FAM204A: variants seen among roughly 807,000 people sequenced by gnomAD.
FAM204A encodes the protein family with sequence similarity 204 member A, also known as protein FAM204A.
In FAM204A, 16 loss-of-function variants were observed where a neutral mutation model predicts 35.4. The ratio of observed to expected loss-of-function variants is 0.45; its 90% CI spans 0.31 to 0.69. FAM204A has a LOEUF of 0.69. Among genes scored for constraint, FAM204A ranks in the 30% least tolerant of loss-of-function variants. The pLI, the probability that FAM204A is intolerant of heterozygous loss-of-function variation, is 0.07. For synonymous variants in FAM204A, 76 were observed against 86.9 expected (o/e 0.88, Z 0.70); for missense variants, 240 against 265.7 (o/e 0.90, Z 0.67).
In FAM204A at chr10:118,310,721, G is replaced by A; in HGVS notation, c.*136C>T. On this transcript the variant is annotated 3_prime_UTR_variant, in exon 9 of 9. Transcript: ENST00000369183. ...CCTTAAAGAAAGACTGAAAAGAGCT[G>A]ATAATCAAAATCCCAAATTTTATGC... 1.4e-6 allele frequency: 1 copy of A among 713,322 alleles called. No individual in the cohort carries two copies. The highest frequency in any genetic ancestry group is 2.4e-6 in the Non-Finnish European group (1 of 415,926). The allele number at this position is 713,322 out of a possible 1,614,324, so 44.2% of individuals were successfully genotyped here. A position where few individuals can be genotyped will look rare whatever the true frequency, so the allele number is the denominator to read the frequency against.
At chr10:118,332,194 A>C (rs1846302652) in intron 6 of FAM204A, among the ~76,000 whole-genome samples, 2 of 149,662 alleles carry the variant, frequency 1.3e-5, no homozygotes, top group Non-Finnish European at 1.5e-5. Context: ...AAAAAATCAT[A>C]TGAGTCAGGT....
Position 118,299,391 on chromosome 10 carries a change from G to GTTGTTT in FAM204A, c.*11465_*11466insAAACAA, listed in dbSNP as rs1845783088. On this transcript the variant is annotated 3_prime_UTR_variant, in exon 9 of 9. Coordinates refer to ENST00000369183, the MANE Select transcript of FAM204A (RefSeq NM_022063.3). ...ACCTCCTCCTTTCTGCTTCCAGAAGGTTTTTTTTTTTTTTTTTTTTTTGAG... is the reference window on the plus strand; with the variant it reads ...ACCTCCTCCTTTCTGCTTCCAGAAGGTTGTTTTTTTTTTTTTTTTTTTTTTTTTGAG... The GTTGTTT allele has an allele frequency of 1.1e-5, 1 of 90,294 alleles. No homozygotes were observed. Among genetic ancestry groups the GTTGTTT allele is most frequent in the Non-Finnish European group, 2.0e-5 (1 of 49,642 alleles). 5.6% of individuals were successfully genotyped at this position (90,294 alleles called of 1,614,324 possible).
intron 3 of FAM204A, chr10:118,335,974 T>C (rs1305568159): frequency 1.7e-5 from 10 of 583,840 alleles, no homozygotes; most frequent in East Asian, 3.0e-5. Flanking sequence ...TTTTTTTTTT[T>C]TCCCCCTCCG....
chr10:118,342,265 C>G lies in FAM204A; in HGVS notation c.-210+5G>C, dbSNP rs919780465. 15 of 152,394 alleles carry G rather than the reference C, an allele frequency of 9.8e-5. No individual in the cohort carries two copies. The highest frequency in any genetic ancestry group is 3.6e-4 in the African/African-American group (15 of 41,464). 9.4% of individuals were successfully genotyped at this position (152,394 alleles called of 1,614,324 possible). ...GGTAACCAACCCTCCATAAGCCGTA[C>G]TCACCTGTCAGGAAGTGGTCGCCCA... is the stretch of plus-strand genomic sequence containing the variant. On this transcript the variant is annotated splice_donor_5th_base_variant and intron_variant, in intron 1 of 8. Coordinates refer to ENST00000369183, the MANE Select transcript of FAM204A (RefSeq NM_022063.3).
intron 6 of FAM204A, among the ~76,000 whole-genome samples, chr10:118,334,166 A>C (rs1362790293): frequency 6.6e-6 from 1 of 152,186 alleles, no homozygotes; most frequent in East Asian, 1.9e-4. Flanking sequence ...TCATTATACT[A>C]ACCAACAACT....
chr10:118,316,636 C>T (rs1477516823), intron 7 of FAM204A, among the ~76,000 whole-genome samples: 1 of 152,096 alleles, frequency 6.6e-6, no homozygotes, highest in African/African-American at 2.4e-5. Context: ...CCTACAACTC[C>T]TATCACTTTA....
rs767761384 is a variant in FAM204A, at chr10:118,305,307, T to C, written c.*5550A>G. On this transcript the variant is annotated 3_prime_UTR_variant, in exon 9 of 9. Coordinates refer to ENST00000369183, the MANE Select transcript of FAM204A (RefSeq NM_022063.3). ...GCATTACCCTAACATGGGAAGGTAC[T>C]GTGGCCCACCCAAGCTAAAATAAAG... is the stretch of plus-strand genomic sequence containing the variant. The C allele has an allele frequency of 1.3e-5, 2 of 152,242 alleles. No homozygotes were observed. The highest frequency in any genetic ancestry group is 2.9e-5 in the Non-Finnish European group (2 of 68,038). The allele number at this position is 152,242 out of a possible 1,614,324, so 9.4% of individuals were successfully genotyped here.
intron 6 of FAM204A, among the ~76,000 whole-genome samples, chr10:118,328,637 C>T (rs774794198): frequency 6.6e-6 from 1 of 151,972 alleles, no homozygotes; most frequent in East Asian, 1.9e-4. Context: ...GGACTACAGG[C>T]GTGTGCCACC....
intron 6 of FAM204A, 178 bp from the exon 7 acceptor site, chr10:118,326,421 G>A (rs1251178637): frequency 3.5e-6 from 2 of 572,902 alleles, no homozygotes; most frequent in East Asian, 6.3e-5. Flanking sequence ...GACAGTAAAT[G>A]GCTTACCTGA....
At chr10:118,339,951 CGTT>C (rs1447642249) in intron 2 of FAM204A, among the ~76,000 whole-genome samples, 1 of 152,142 alleles carries the variant, frequency 6.6e-6, no homozygotes, top group Admixed American at 6.5e-5. Context: ...AACCACCCAT[CGTT>C]ATTATTTAGC....
chr10:118,313,902 G>C (rs1038360813), intron 7 of FAM204A, among the ~76,000 whole-genome samples: 2 of 152,066 alleles, frequency 1.3e-5, no homozygotes, highest in Non-Finnish European at 2.9e-5. Context: ...TCCTGGTTAG[G>C]ACAGCCAAAC....
At chr10:118,320,293 A>G (rs1716787313) in intron 7 of FAM204A, among the ~76,000 whole-genome samples, 1 of 150,974 alleles carries the variant, frequency 6.6e-6, no homozygotes, top group African/African-American at 2.4e-5. Flanking sequence ...TTTATTAAAT[A>G]AAATAAATTT....
chr10:118,326,197 A>G lies in FAM204A; in HGVS notation c.500T>C (p.Ile167Thr). 4 of 1,614,032 alleles carry G rather than the reference A, an allele frequency of 2.5e-6. No individual in the cohort carries two copies. The highest frequency in any genetic ancestry group is 2.5e-6 in the Non-Finnish European group (3 of 1,179,928). ...GTTGCTGAGTTCCTCAGCCTTCTCA[A>G]TATTCCACTCCTCCACAGCCTGGTC... ...RIDQAVEEWN[I>T]EKAEELSNQL... The change falls in exon 7 of 9, where the codon ATT becomes ACT. Residue 167 changes from isoleucine to threonine, a missense_variant. Coordinates refer to ENST00000369183, the MANE Select transcript of FAM204A (RefSeq NM_022063.3).
chr10:118,322,621 T>C (rs1422684154), intron 7 of FAM204A, among the ~76,000 whole-genome samples: 4 of 152,082 alleles, frequency 2.6e-5, no homozygotes, highest in African/African-American at 7.2e-5. Flanking sequence ...AAGTTTCTTT[T>C]GCTATAAAGG....
rs947939320 is a variant in FAM204A at position 118,298,111 on chromosome 10, C to T, written c.*12746G>A. The T allele has an allele frequency of 8.5e-5, 13 of 152,298 alleles. No individual in the cohort carries two copies. The highest frequency in any genetic ancestry group is 3.1e-4 in the African/African-American group (13 of 41,560). The allele number at this position is 152,298 out of a possible 1,614,324, so 9.4% of individuals were successfully genotyped here. On this transcript the variant is annotated 3_prime_UTR_variant, in exon 9 of 9. Transcript: ENST00000369183. ...TCTGGGCAGCACACTACTGCCATCTCCTTTATCTTAAATGTGTGTGGGAGT... is the reference window on the plus strand; with the variant it reads ...TCTGGGCAGCACACTACTGCCATCTTCTTTATCTTAAATGTGTGTGGGAGT...
chr10:118,320,888 T>C (rs1048291007), intron 7 of FAM204A, among the ~76,000 whole-genome samples: 27 of 151,260 alleles, frequency 1.8e-4, no homozygotes, highest in African/African-American at 5.3e-4. Context: ...CCGTTTTGTG[T>C]GTGTGTGTGT....
In FAM204A at chr10:118,336,180, A is replaced by G; in HGVS notation, c.234+2T>C. 1 of 1,612,560 alleles carries G rather than the reference A, an allele frequency of 6.2e-7. No homozygotes were observed. Among genetic ancestry groups the G allele is most frequent in the Non-Finnish European group, 8.5e-7 (1 of 1,179,236 alleles). ...AGCAAGAGCATTTCAGAGAAAACCT[A>G]CATTCCACATATCTATGGGAATTCC... On this transcript the variant is annotated splice_donor_variant, in intron 3 of 8. Coordinates refer to ENST00000369183, the MANE Select transcript of FAM204A (RefSeq NM_022063.3). LOFTEE classifies it high-confidence loss of function.
chr10:118,335,685 G>T, intron 3 of FAM204A, 44 bp from the exon 4 acceptor site: 1 of 1,370,898 alleles, frequency 7.3e-7, no homozygotes. Context: ...ATACTTTCCA[G>T]AAAAACATGC....
intron 7 of FAM204A, chr10:118,311,561 C>T: frequency 2.7e-6 from 1 of 366,654 alleles, no homozygotes; most frequent in Non-Finnish European, 4.8e-6. Flanking sequence ...AAACTGAGGC[C>T]CCTCGAGGGT....
Sources: allele counts gnomAD v4.1 joint callset (sites outside exome capture counted in the v4.1 genomes callset), GRCh38; gene constraint gnomAD v4.1.1; transcripts MANE v1.5; gene names NCBI Gene and HGNC (gene_info 2026-07-23, HGNC 2026-07-21).